Variants in PIKFYVE observed in about 807,000 individuals in gnomAD.
PIKFYVE encodes 1-phosphatidylinositol 3-phosphate 5-kinase.
In PIKFYVE, 122 loss-of-function variants were observed where a neutral mutation model predicts 257.9. That is an observed-to-expected ratio of 0.47 (90% CI 0.41 to 0.55). The LOEUF (loss-of-function observed/expected upper bound fraction) is 0.55. PIKFYVE is among the 20% of genes least tolerant of loss of function. PIKFYVE has a pLI of 0.00. For missense variants in PIKFYVE, 2,160 were observed against 2,536.6 expected, an observed-to-expected ratio of 0.85 and a Z score of 3.19; for synonymous variants, 892 against 868.9, an observed-to-expected ratio of 1.03 and a Z score of -0.47.
chr2:208,276,736 C>T lies in PIKFYVE; in HGVS notation c.347C>T (p.Thr116Ile), dbSNP rs544817991. 1.2e-6 allele frequency: 2 copies of T among 1,613,568 alleles called. No homozygotes were observed. The highest frequency in any genetic ancestry group is 1.7e-5 in the Admixed American group (1 of 60,000). ...ALDTRRKAEP[T>I]FGGHDPRTAV... Reference sequence around the variant, plus strand: ...GACACAAGAAGGAAAGCAGAACCTACCTTTGGAGGTCATGACCCTCGTACA... The same window carrying T: ...GACACAAGAAGGAAAGCAGAACCTATCTTTGGAGGTCATGACCCTCGTACA... The change falls in exon 4 of 42, where the codon ACC (threonine) becomes ATC (isoleucine). Residue 116 changes from threonine (T) to isoleucine (I), a missense_variant. Thr to Ile is a moderately conservative substitution (Grantham distance 89). Around this residue, in one of 12 missense-constraint regions of PIKFYVE, gnomAD observed 172 missense variants for 180.6 expected, o/e 0.95. Coordinates refer to ENST00000264380, the MANE Select transcript of PIKFYVE (RefSeq NM_015040.4).
chr2:208,354,505 C>T, intron 40 of PIKFYVE, 66 bp from the exon 41 acceptor site: 1 of 1,333,202 alleles, frequency 7.5e-7, no homozygotes, highest in South Asian at 1.2e-5. Context: ...ATAGTCATTG[C>T]TGTTGTCATT....
Position 208,316,130 on chromosome 2 carries a change from G to GT in PIKFYVE, c.2007+763dup, listed in dbSNP as rs995261503. 6.9e-4 allele frequency among the ~76,000 whole-genome samples: 102 copies of GT among 147,692 alleles called. 1 individual carries two copies. Among genetic ancestry groups the GT allele is most frequent in the Middle Eastern group, 3.4e-3 (1 of 290 alleles). ...TATGAGTGAGAACATGTGGTGTTTG[G>GT]TTTTTTGTCCTTGCGATAGTTTACT... On this transcript the variant is annotated intron_variant, in intron 15 of 41. Transcript: ENST00000264380.
chr2:208,275,359 T>C (rs1238664829), intron 3 of PIKFYVE, among the ~76,000 whole-genome samples: 1 of 152,260 alleles, frequency 6.6e-6, no homozygotes, highest in Admixed American at 6.5e-5. Context: ...TACTTTCTTA[T>C]ATTCCTAATT....
rs906763647 is a variant in PIKFYVE, at chr2:208,355,083, A to C, written c.6182-107A>C. On this transcript the variant is annotated intron_variant, in intron 41 of 41. Coordinates refer to ENST00000264380, the MANE Select transcript of PIKFYVE (RefSeq NM_015040.4). Reference sequence around the variant, plus strand: ...TCCTGCCCACTCAGACTGCTTCTGCATGTGTATCTTTATGGCAGTTTATAT... The same window carrying C: ...TCCTGCCCACTCAGACTGCTTCTGCCTGTGTATCTTTATGGCAGTTTATAT... The C allele has an allele frequency of 3.5e-6, 3 of 851,398 alleles. No individual in the cohort carries two copies. The African/African-American group carries it at 5.0e-5, about 14-fold the overall frequency. The allele number at this position is 851,398 out of a possible 1,614,324, so 52.7% of individuals were successfully genotyped here. A position where few individuals can be genotyped will look rare whatever the true frequency, so the allele number is the denominator to read the frequency against.
At chr2:208,286,326 T>G (rs1370271067) in intron 6 of PIKFYVE, among the ~76,000 whole-genome samples, 1 of 152,260 alleles carries the variant, frequency 6.6e-6, no homozygotes, top group Non-Finnish European at 1.5e-5. Flanking sequence ...GAAGAATGCC[T>G]GTACAATATG....
chr2:208,340,155 C>G (rs1698560050), intron 31 of PIKFYVE, 24 bp downstream of exon 31: 16 of 1,612,956 alleles, frequency 9.9e-6, no homozygotes, highest in African/African-American at 1.3e-5. Flanking sequence ...AAACCAGTGG[C>G]TCTTAGCAGG....
intron 7 of PIKFYVE, 59 bp from the exon 8 acceptor site, chr2:208,298,582 A>C: frequency 6.3e-7 from 1 of 1,588,696 alleles, no homozygotes; most frequent in Non-Finnish European, 8.6e-7. Flanking sequence ...TTTCTCTGTA[A>C]TTCTGTTTAT....
chr2:208,285,051 A>G (rs1043238990), intron 5 of PIKFYVE, among the ~76,000 whole-genome samples: 1 of 147,090 alleles, frequency 6.8e-6, no homozygotes, highest in Non-Finnish European at 1.5e-5. Context: ...ATTTTCTGGT[A>G]TCATTGGGAT....
Position 208,285,778 on chromosome 2 carries a change from T to C in PIKFYVE, c.666T>C (p.His222=). 1.9e-6 allele frequency: 3 copies of C among 1,614,136 alleles called. No individual in the cohort carries two copies. The highest frequency in any genetic ancestry group is 2.5e-6 in the Non-Finnish European group (3 of 1,179,972). The part of the protein sequence containing the change: ...YCRKIALSYA[H]STDSNSIGED... Reference sequence around the variant, plus strand: ...GAAAAATAGCCTTAAGTTATGCTCATTCCACAGACAGTAATTCTATTGGGG... The same window carrying C: ...GAAAAATAGCCTTAAGTTATGCTCACTCCACAGACAGTAATTCTATTGGGG... The change falls in exon 6 of 42, where the codon CAT becomes CAC. Residue 222 remains histidine (H), a synonymous_variant. Coordinates refer to ENST00000264380, the MANE Select transcript of PIKFYVE (RefSeq NM_015040.4).
At chr2:208,274,191 G>T in intron 3 of PIKFYVE, 1 of 935,628 alleles carries the variant, frequency 1.1e-6, no homozygotes, top group East Asian at 2.6e-5. Flanking sequence ...TGTCCTTGTT[G>T]GGGTGCAAAC....
At chr2:208,295,390 T>A (rs1340431948) in intron 7 of PIKFYVE, among the ~76,000 whole-genome samples, 1 of 152,242 alleles carries the variant, frequency 6.6e-6, no homozygotes, top group Non-Finnish European at 1.5e-5. Flanking sequence ...CTGTAGGTAT[T>A]CTGATTTTGC....
At chr2:208,285,220 T>G (rs1400373259) in intron 5 of PIKFYVE, among the ~76,000 whole-genome samples, 1 of 152,102 alleles carries the variant, frequency 6.6e-6, no homozygotes, top group Non-Finnish European at 1.5e-5. Flanking sequence ...CTCACCCTCC[T>G]GAGTAGCTGG....
In PIKFYVE at chr2:208,351,431, T is replaced by C. The variant is rs771666311; in HGVS notation, c.5691T>C (p.Tyr1897=). The change falls in exon 38 of 42, where the codon TAT becomes TAC. Residue 1897 remains tyrosine (Y), a synonymous_variant. Transcript: ENST00000264380. ...FLDFAPHYFN[Y]ITNAVQQKRP... is the part of the protein sequence containing the mutation. ...ACTTTGCACCACATTACTTCAATTA[T>C]ATTACAAATGCTGTTCAACAAAAGG... 1.9e-6 allele frequency: 3 copies of C among 1,611,918 alleles called. No homozygotes were observed. Among genetic ancestry groups the C allele is most frequent in the Non-Finnish European group, 2.5e-6 (3 of 1,177,952 alleles).
rs1698191316 is a variant in PIKFYVE at position 208,336,876 on chromosome 2, G to T, written c.4559G>T (p.Arg1520Ile). 1 of 1,612,996 alleles carries T rather than the reference G, an allele frequency of 6.2e-7. No homozygotes were observed. ...DLFQQEKGRK[R>I]PSVPPSPGRL... ...TTCCAACAGGAAAAGGGTAGAAAGA[G>T]ACCTTCAGTTCCTCCAAGTCCTGGA... Residue 1520 changes from arginine to isoleucine, a missense_variant, in exon 28 of 42, where the codon AGA becomes ATA. Transcript: ENST00000264380.
intron 12 of PIKFYVE, among the ~76,000 whole-genome samples, chr2:208,305,869 T>G (rs1407354858): frequency 6.6e-6 from 1 of 152,194 alleles, no homozygotes; most frequent in Non-Finnish European, 1.5e-5. Flanking sequence ...ATTATAAAGA[T>G]GAAGCACTTT....
chr2:208,285,980 T>C (rs751516004), intron 6 of PIKFYVE, 47 bp downstream of exon 6: 2 of 1,562,846 alleles, frequency 1.3e-6, no homozygotes, highest in Non-Finnish European at 1.8e-6. Flanking sequence ...AAAATATCGA[T>C]AGTTGTCTGA....
chr2:208,273,182 C>A (rs1463653198), intron 2 of PIKFYVE, among the ~76,000 whole-genome samples: 4 of 152,218 alleles, frequency 2.6e-5, no homozygotes, highest in Admixed American at 2.6e-4. Flanking sequence ...ATGAAGCTTG[C>A]ATTTTGTTTC....
intron 12 of PIKFYVE, chr2:208,305,344 T>G: frequency 8.6e-7 from 1 of 1,168,664 alleles, no homozygotes; most frequent in South Asian, 2.1e-5. Context: ...TTCTGCTCTA[T>G]TCTTTTCTCT....
chr2:208,283,762 T>A (rs1691155930), intron 5 of PIKFYVE, among the ~76,000 whole-genome samples: 1 of 152,134 alleles, frequency 6.6e-6, no homozygotes, highest in Non-Finnish European at 1.5e-5. Flanking sequence ...TTTTGTATTT[T>A]TTATTGATGT....
Sources: allele counts gnomAD v4.1 joint callset (sites outside exome capture counted in the v4.1 genomes callset), GRCh38; gene constraint gnomAD v4.1.1; regional missense constraint gnomAD v4.1.1; transcripts MANE v1.5; gene names NCBI Gene and HGNC (gene_info 2026-07-23, HGNC 2026-07-21).